Variants in RALGPS2 observed in about 807,000 individuals in gnomAD.
RALGPS2 encodes Ral GEF with PH domain and SH3 binding motif 2.
A neutral mutation model predicts 86.8 loss-of-function variants in RALGPS2; 43 were observed. The ratio of observed to expected loss-of-function variants is 0.50; its 90% CI spans 0.39 to 0.64. The LOEUF (loss-of-function observed/expected upper bound fraction) is 0.64. Ranked by LOEUF, RALGPS2 falls within the 30% of genes least tolerant of loss-of-function variation. The pLI, the probability that RALGPS2 is intolerant of heterozygous loss-of-function variation, is 0.00. For synonymous variants in RALGPS2, 243 were observed against 231.3 expected, an observed-to-expected ratio of 1.05 and a Z score of -0.46; for missense variants, 536 against 694.6, an observed-to-expected ratio of 0.77 and a Z score of 2.57.
chr1:178,895,485 T>C (rs1042846947), intron 16 of RALGPS2, among the ~76,000 whole-genome samples: 2 of 152,020 alleles, frequency 1.3e-5, no homozygotes, highest in African/African-American at 4.8e-5. Flanking sequence ...AATAATGTCA[T>C]AGGATACAGA....
chr1:178,913,547 C>T (rs1372765066), intron 19 of RALGPS2, among the ~76,000 whole-genome samples: 2 of 152,186 alleles, frequency 1.3e-5, no homozygotes, highest in African/African-American at 4.8e-5. Flanking sequence ...GGTAAGAAGA[C>T]ACTGTGGTTT....
At chr1:178,768,154 G>C (rs754610667) in intron 1 of RALGPS2, among the ~76,000 whole-genome samples, 1 of 151,952 alleles carries the variant, frequency 6.6e-6, no homozygotes, top group Middle Eastern at 3.2e-3. Context: ...CCTTTTTGTC[G>C]GTGCTTTGAA....
intron 1 of RALGPS2, among the ~76,000 whole-genome samples, chr1:178,734,599 T>C (rs1650569322): frequency 6.6e-6 from 1 of 152,218 alleles, no homozygotes; most frequent in Non-Finnish European, 1.5e-5. Context: ...TAATCAGTGA[T>C]GTGACAGTGT....
At chr1:178,873,158 TAGAATG>T (rs923405453) in intron 8 of RALGPS2, among the ~76,000 whole-genome samples, 5 of 152,094 alleles carry the variant, frequency 3.3e-5, no homozygotes, top group Non-Finnish European at 7.4e-5. Flanking sequence ...TTTTAAGACT[TAGAATG>T]AGAAAGTTAT....
intron 1 of RALGPS2, among the ~76,000 whole-genome samples, chr1:178,758,273 G>T (rs926537719): frequency 6.6e-6 from 1 of 151,762 alleles, no homozygotes; most frequent in Non-Finnish European, 1.5e-5. Flanking sequence ...ATTCTTGGGG[G>T]TATATAGTAG....
At chr1:178,878,397 A>G (rs563001059) in intron 9 of RALGPS2, among the ~76,000 whole-genome samples, 7 of 152,270 alleles carry the variant, frequency 4.6e-5, no homozygotes, top group African/African-American at 1.7e-4. Context: ...AACCTCAAAA[A>G]CTTCCTAAAA....
At chr1:178,813,031 C>G (rs1190024991) in intron 6 of RALGPS2, among the ~76,000 whole-genome samples, 1 of 147,706 alleles carries the variant, frequency 6.8e-6, no homozygotes, top group Non-Finnish European at 1.5e-5. Context: ...CTCCCGAGTT[C>G]AAGTGATTCT....
intron 4 of RALGPS2, among the ~76,000 whole-genome samples, chr1:178,796,577 T>C (rs1356415483): frequency 6.6e-6 from 1 of 152,162 alleles, no homozygotes; most frequent in Admixed American, 6.5e-5. Context: ...CAGTCTCTTA[T>C]CTACATACTA....
intron 8 of RALGPS2, among the ~76,000 whole-genome samples, chr1:178,874,158 G>T (rs1658894314): frequency 6.6e-6 from 1 of 152,162 alleles, no homozygotes; most frequent in Non-Finnish European, 1.5e-5. Flanking sequence ...CAAGGTAATG[G>T]TTACTTCTGG....
rs71108081 is a variant in RALGPS2 at position 178,856,394 on chromosome 1, A to ATTTTTTTTTTTTTTTTTTTTTTTT, written c.608-21095_608-21072dup. On this transcript the variant is annotated intron_variant, in intron 8 of 19. Coordinates refer to ENST00000367635, the MANE Select transcript of RALGPS2 (RefSeq NM_152663.5). Reference sequence around the variant, plus strand: ...AGGCAAGTGCCACCCTGCCTGGCTAATTTTTTTTTTTTTTTTTTTTTTTTT... The same window carrying ATTTTTTTTTTTTTTTTTTTTTTTT: ...AGGCAAGTGCCACCCTGCCTGGCTAATTTTTTTTTTTTTTTTTTTTTTTTTTTTTTTTTTTTTTTTTTTTTTTTT... Among the ~76,000 whole-genome samples, 5 of 36,430 alleles carry ATTTTTTTTTTTTTTTTTTTTTTTT rather than the reference A, an allele frequency of 1.4e-4. 1 individual carries two copies. The highest frequency in any genetic ancestry group is 5.8e-4 in the African/African-American group (4 of 6,866). The allele number at this position is 36,430 out of a possible 152,430, so 23.9% of individuals were successfully genotyped here. A position where few individuals can be genotyped will look rare whatever the true frequency, so the allele number is the denominator to read the frequency against.
chr1:178,808,448 A>G (rs186552242), intron 5 of RALGPS2, among the ~76,000 whole-genome samples: 1 of 152,232 alleles, frequency 6.6e-6, no homozygotes, highest in East Asian at 1.9e-4. Flanking sequence ...TCAAATCTCT[A>G]TGCTTTTACA....
chr1:178,776,923 G>A (rs111398068), intron 2 of RALGPS2, 102 bp downstream of exon 2: 4 of 842,320 alleles, frequency 4.7e-6, no homozygotes. Flanking sequence ...TGCATTTAGT[G>A]CAGAAATACA....
At chr1:178,900,970 C>G (rs1660147649) in intron 17 of RALGPS2, among the ~76,000 whole-genome samples, 1 of 152,006 alleles carries the variant, frequency 6.6e-6, no homozygotes, top group Non-Finnish European at 1.5e-5. Context: ...ATTAGAAGAT[C>G]ATAGTATTCA....
At chr1:178,846,002 G>A (rs1656848506) in intron 8 of RALGPS2, among the ~76,000 whole-genome samples, 1 of 152,140 alleles carries the variant, frequency 6.6e-6, no homozygotes, top group African/African-American at 2.4e-5. Context: ...TTGGTTTTCA[G>A]TCGTTTTTGC....
chr1:178,853,171 G>A, intron 8 of RALGPS2: 2 of 985,180 alleles, frequency 2.0e-6, no homozygotes, highest in Non-Finnish European at 2.4e-6. Flanking sequence ...GTATTCATTT[G>A]CATAGCTAGC....
rs759787021 is a variant in RALGPS2, at chr1:178,902,139, A to T, written c.1558A>T (p.Ile520Leu). 1.9e-6 allele frequency: 3 copies of T among 1,612,770 alleles called. No individual in the cohort carries two copies. The African/African-American group carries it at 4.0e-5, about 22-fold the overall frequency. ...AACATCCAATAAGAACGTATCTGTG[A>T]TAGGATGGATGGTGATGATGGCTGA... ...KSTSNKNVSV[I>L]GWMVMMADDP... Residue 520 changes from isoleucine to leucine, a missense_variant, in exon 18 of 20, where the codon ATA becomes TTA. Transcript: ENST00000367635.
intron 8 of RALGPS2, among the ~76,000 whole-genome samples, chr1:178,869,818 G>T (rs1380898941): frequency 1.3e-5 from 2 of 152,030 alleles, no homozygotes; most frequent in Non-Finnish European, 1.5e-5. Context: ...TTGGTTTAAG[G>T]CATACTATTG....
chr1:178,775,176 G>A (rs1044952647), intron 1 of RALGPS2, among the ~76,000 whole-genome samples: 6 of 151,976 alleles, frequency 3.9e-5, no homozygotes, highest in Middle Eastern at 3.2e-3. Flanking sequence ...ATCTCATTTC[G>A]CTTCACCACA....
intron 8 of RALGPS2, chr1:178,853,029 C>CAA (rs1374616230): frequency 1.5e-5 from 22 of 1,510,954 alleles, no homozygotes; most frequent in Non-Finnish European, 1.9e-5. Flanking sequence ...CAGTGTTAAA[C>CAA]ATTCGATAGC....
Sources: allele counts gnomAD v4.1 joint callset (sites outside exome capture counted in the v4.1 genomes callset), GRCh38; gene constraint gnomAD v4.1.1; transcripts MANE v1.5; gene names NCBI Gene and HGNC (gene_info 2026-07-23, HGNC 2026-07-21).